COPS7B: variants seen among roughly 807,000 people sequenced by gnomAD.
The protein encoded by COPS7B is COP9 signalosome subunit 7B.
A neutral mutation model predicts 33.4 loss-of-function variants in COPS7B; 9 were observed. The ratio of observed to expected loss-of-function variants is 0.27; its 90% CI spans 0.16 to 0.47. COPS7B has a LOEUF of 0.47. Ranked by LOEUF, COPS7B falls within the 20% of genes least tolerant of loss-of-function variation. COPS7B has a pLI of 0.99. For missense variants in COPS7B, 242 were observed against 318.2 expected, an observed-to-expected ratio of 0.76 and a Z score of 1.82; for synonymous variants, 119 against 126.3, an observed-to-expected ratio of 0.94 and a Z score of 0.39.
intron 2 of COPS7B, chr2:231,789,251 G>C (rs971607855): frequency 6.6e-6 from 1 of 152,654 alleles, no homozygotes; most frequent in Non-Finnish European, 1.5e-5. Context: ...TTACTTGTTT[G>C]CTTGCTTGTT....
At chr2:231,786,374 C>G (rs909246213), upstream of COPS7B, 10 of 904,008 alleles carry the variant, frequency 1.1e-5, no homozygotes, top group African/African-American at 5.4e-5. Context: ...GTGGGCGGAA[C>G]GCGAGTGCAG....
chr2:231,794,842 G>A (rs1026456494), intron 4 of COPS7B, among the ~76,000 whole-genome samples: 2 of 151,918 alleles, frequency 1.3e-5, no homozygotes, highest in Admixed American at 6.6e-5. Flanking sequence ...TGCAACCTCT[G>A]CCTCCCAGAT....
At chr2:231,785,405 C>T (rs976453199), upstream of COPS7B, among the ~76,000 whole-genome samples, 3 of 152,290 alleles carry the variant, frequency 2.0e-5, no homozygotes, top group Non-Finnish European at 2.9e-5. Context: ...CTGCACAGTG[C>T]GAGCCTCTGT....
chr2:231,804,368 G>C (rs4555339), intron 6 of COPS7B, among the ~76,000 whole-genome samples: 69,216 of 151,342 alleles, frequency 0.46, 19,345 homozygotes, highest in African/African-American at 0.8. Flanking sequence ...CTGCCTCAGC[G>C]TCCCGAGTAG....
chr2:231,794,779 G>A (rs1011715822), intron 4 of COPS7B, among the ~76,000 whole-genome samples: 2 of 152,066 alleles, frequency 1.3e-5, no homozygotes, highest in East Asian at 1.9e-4. Context: ...TTGTTGAGAC[G>A]GAGTCTCACT....
intron 6 of COPS7B, 111 bp downstream of exon 6, chr2:231,799,075 C>T (rs2049666432): frequency 1.1e-6 from 1 of 912,900 alleles, no homozygotes; most frequent in East Asian, 2.7e-5. Context: ...CAAGCAGTCA[C>T]CAACAAGTGG....
chr2:231,788,724 G>T lies in COPS7B; in HGVS notation c.154G>T (p.Val52Leu). The T allele has an allele frequency of 6.2e-7, 1 of 1,613,016 alleles. No homozygotes were observed. Among genetic ancestry groups the T allele is most frequent in the Non-Finnish European group, 8.5e-7 (1 of 1,179,676 alleles). Residue 52 changes from valine (V) to leucine (L), a missense_variant, in exon 2 of 7, where the codon GTG (valine) becomes TTG (leucine). Physicochemically the swap from Val to Leu is conservative, Grantham distance 32. Transcript: ENST00000350033. ...TGGAGAACTTCTGGAGCTGGCCAAC[G>T]TGCAGGAGGTAAGAACGGTTTGCAA... ...VFGELLELANVQELAEGANAA... is the reference protein window; with the variant it reads ...VFGELLELANLQELAEGANAA...
At chr2:231,795,882 G>A (rs1009037725) in intron 4 of COPS7B, among the ~76,000 whole-genome samples, 3 of 152,198 alleles carry the variant, frequency 2.0e-5, no homozygotes, top group African/African-American at 7.2e-5. Flanking sequence ...TGAAGGCTGG[G>A]TGAAGCCAAG....
At chr2:231,781,781 A>G (rs2049137394), upstream of COPS7B, 1 of 1,528,212 alleles carries the variant, frequency 6.5e-7, no homozygotes, top group Non-Finnish European at 8.9e-7. Flanking sequence ...GAATCCCGAG[A>G]CTTGAAACCC....
intron 2 of COPS7B, 42 bp downstream of exon 2, chr2:231,788,774 CTG>C: frequency 1.3e-6 from 2 of 1,575,692 alleles, no homozygotes; most frequent in Middle Eastern, 1.7e-4. Flanking sequence ...TTCTAAGACT[CTG>C]TAATTCTCCA....
chr2:231,792,802 A>AT (rs534592130), intron 3 of COPS7B, among the ~76,000 whole-genome samples: 37 of 152,072 alleles, frequency 2.4e-4, no homozygotes, highest in Non-Finnish European at 5.1e-4. Flanking sequence ...TACCCAAAGC[A>AT]TTTTTTTCTG....
At chr2:231,795,488 T>A (rs950583240) in intron 4 of COPS7B, among the ~76,000 whole-genome samples, 5 of 152,322 alleles carry the variant, frequency 3.3e-5, no homozygotes, top group Admixed American at 3.3e-4. Context: ...GGACCTGACC[T>A]TTTTTCTTGT....
At chr2:231,802,864 G>A (rs907652777) in intron 6 of COPS7B, among the ~76,000 whole-genome samples, 6 of 152,168 alleles carry the variant, frequency 3.9e-5, no homozygotes, top group African/African-American at 1.4e-4. Flanking sequence ...TGTAAATGCA[G>A]TGGTAAAGCT....
At position 231,800,400 on chromosome 2, in the gene COPS7B, C is replaced by T. The variant is rs556477479; in HGVS notation, c.636+1436C>T. ...TCTGAACAAAGTAGGAAGGGCTAAC[C>T]GCTTTCTCCTTTCTGTTTATTCTTC... On this transcript the variant is annotated intron_variant, in intron 6 of 6. Coordinates refer to ENST00000350033, the MANE Select transcript of COPS7B (RefSeq NM_022730.4). Among the ~76,000 whole-genome samples, 9 of 152,312 alleles carry T rather than the reference C, an allele frequency of 5.9e-5. No individual in the cohort carries two copies. The South Asian group carries it at 1.4e-3, about 25-fold the overall frequency.
intron 3 of COPS7B, 122 bp from the exon 4 acceptor site, chr2:231,794,141 G>T: frequency 1.5e-6 from 1 of 655,254 alleles, no homozygotes; most frequent in Non-Finnish European, 2.7e-6. Flanking sequence ...AAATGAATAA[G>T]TGCAAAGTCA....
chr2:231,793,137 G>A (rs2049466822), intron 3 of COPS7B, among the ~76,000 whole-genome samples: 2 of 152,122 alleles, frequency 1.3e-5, no homozygotes, highest in Admixed American at 1.3e-4. Flanking sequence ...CAATTTCCTC[G>A]TCTGTAAAGT....
intron 6 of COPS7B, among the ~76,000 whole-genome samples, chr2:231,800,863 C>T (rs1278229515): frequency 6.6e-6 from 1 of 152,214 alleles, no homozygotes; most frequent in African/African-American, 2.4e-5. Context: ...GGTCTGTTCC[C>T]TGAGCATGGC....
At chr2:231,788,784 C>T (rs1056016496) in intron 2 of COPS7B, 52 bp downstream of exon 2, 28 of 1,546,484 alleles carry the variant, frequency 1.8e-5, no homozygotes, top group African/African-American at 9.6e-5. Context: ...CTGTAATTCT[C>T]CAGGTTTCCA....
At chr2:231,788,429 C>G in intron 1 of COPS7B, 126 bp from the exon 2 acceptor site, 1 of 886,108 alleles carries the variant, frequency 1.1e-6, no homozygotes, top group Non-Finnish European at 1.7e-6. Context: ...AGCCACTGCA[C>G]TTGTCCTGTT....
Sources: gnomAD v4.1 joint callset for allele counts (sites outside exome capture counted in the v4.1 genomes callset) on GRCh38, gnomAD v4.1.1 for gene constraint, MANE v1.5 for transcripts, NCBI Gene and HGNC (gene_info 2026-07-23, HGNC 2026-07-21) for gene names.